The following EXOC6 variants were observed in gnomAD, a reference collection of about 807,000 sequenced individuals.
EXOC6 encodes the protein SEC15-like 1.
A neutral mutation model predicts 112.5 loss-of-function variants in EXOC6; 60 were observed. The ratio of observed to expected loss-of-function variants is 0.53; its 90% CI spans 0.43 to 0.66. The LOEUF is 0.66. Ranked by LOEUF, EXOC6 falls within the 30% of genes least tolerant of loss-of-function variation. The probability of loss-of-function intolerance (pLI) is 0.00; values close to 1 mark genes in which losing one functional copy is unlikely to be tolerated. For missense variants in EXOC6, 855 were observed against 957.1 expected, an observed-to-expected ratio of 0.89 and a Z score of 1.41; for synonymous variants, 295 against 308.0, an observed-to-expected ratio of 0.96 and a Z score of 0.44.
intron 1 of EXOC6, among the ~76,000 whole-genome samples, chr10:92,892,781 G>A: frequency 6.6e-6 from 1 of 152,166 alleles, no homozygotes; most frequent in Admixed American, 6.5e-5. Flanking sequence ...ACTGCAATAT[G>A]GGCTTGTACC....
chr10:92,914,750 T>G (rs1850989270), intron 6 of EXOC6, among the ~76,000 whole-genome samples: 1 of 152,152 alleles, frequency 6.6e-6, no homozygotes, highest in Non-Finnish European at 1.5e-5. Flanking sequence ...AAGGGCTGAT[T>G]GGCAGTTACA....
At chr10:92,848,434 C>A (rs1317928545), upstream of EXOC6, 1 of 729,440 alleles carries the variant, frequency 1.4e-6, no homozygotes, top group Non-Finnish European at 1.7e-6. Flanking sequence ...GGCCCGAGCG[C>A]CCCGCCCCCG....
chr10:92,870,677 CT>C (rs1381765612), intron 1 of EXOC6, among the ~76,000 whole-genome samples: 2 of 149,684 alleles, frequency 1.3e-5, no homozygotes, highest in African/African-American at 4.9e-5. Flanking sequence ...GGAAGTTTTT[CT>C]TTTTTTGGCA....
intron 20 of EXOC6, among the ~76,000 whole-genome samples, chr10:93,029,892 C>T (rs1455750919): frequency 6.6e-6 from 1 of 151,550 alleles, no homozygotes; most frequent in Non-Finnish European, 1.5e-5. Flanking sequence ...AAATGGATCT[C>T]ATAGTGTTTT....
chr10:92,852,925 A>G (rs1211306279), intron 1 of EXOC6, among the ~76,000 whole-genome samples: 1 of 152,152 alleles, frequency 6.6e-6, no homozygotes, highest in Non-Finnish European at 1.5e-5. Context: ...CCGGTATAAT[A>G]AGACCATTTA....
intron 18 of EXOC6, among the ~76,000 whole-genome samples, chr10:92,977,807 T>C (rs1842688523): frequency 6.6e-6 from 1 of 152,176 alleles, no homozygotes; most frequent in South Asian, 2.1e-4. Flanking sequence ...GTGTTAGAAA[T>C]GTTTGGGGTA....
chr10:92,881,260 A>G (rs1253145394), intron 1 of EXOC6, among the ~76,000 whole-genome samples: 1 of 152,138 alleles, frequency 6.6e-6, no homozygotes, highest in Non-Finnish European at 1.5e-5. Context: ...GCAGGTAGAT[A>G]TTGCATGGCC....
chr10:92,896,166 TATATATATATATATA>T (rs1405002640), intron 4 of EXOC6, among the ~76,000 whole-genome samples: 5 of 28,286 alleles, frequency 1.8e-4, no homozygotes, highest in Non-Finnish European at 3.1e-4. Flanking sequence ...TATATATATA[TATATATATATATATA>T]TTTTTTTTTT....
At chr10:92,961,661 A>G (rs376290202) in intron 17 of EXOC6, among the ~76,000 whole-genome samples, 1 of 151,596 alleles carries the variant, frequency 6.6e-6, no homozygotes, top group Non-Finnish European at 1.5e-5. Flanking sequence ...AACAAAATGT[A>G]GAGACCTCAA....
chr10:92,936,315 T>A (rs1037840610), intron 12 of EXOC6, among the ~76,000 whole-genome samples: 4 of 152,258 alleles, frequency 2.6e-5, no homozygotes, highest in African/African-American at 9.6e-5. Context: ...AAGCTTTAGA[T>A]CCTTATTTGT....
At chr10:92,913,332 A>G (rs1284370701) in intron 6 of EXOC6, among the ~76,000 whole-genome samples, 1 of 152,188 alleles carries the variant, frequency 6.6e-6, no homozygotes, top group Non-Finnish European at 1.5e-5. Context: ...GAACTGTTAT[A>G]TAGAATCATT....
At chr10:92,868,836 A>G (rs1227425982) in intron 1 of EXOC6, among the ~76,000 whole-genome samples, 5 of 113,388 alleles carry the variant, frequency 4.4e-5, no homozygotes, top group African/African-American at 1.4e-4. Flanking sequence ...TTTTTTTGAG[A>G]CAGGTTCTTG....
At chr10:92,966,211 G>A (rs1242197295) in intron 17 of EXOC6, among the ~76,000 whole-genome samples, 1 of 151,256 alleles carries the variant, frequency 6.6e-6, no homozygotes, top group Non-Finnish European at 1.5e-5. Flanking sequence ...TTTTTGCTTA[G>A]TTCCTTTTAG....
At position 92,884,806 on chromosome 10, in the gene EXOC6, A is replaced by G. The variant is rs188401850; in HGVS notation, c.102-8543A>G. On this transcript the variant is annotated intron_variant, in intron 1 of 21. Coordinates refer to ENST00000260762, the MANE Select transcript of EXOC6 (RefSeq NM_019053.6). ...TATTACATGCTTTTTAACAAAAAAT[A>G]TATAAAAAGTGATGAGTTTTTTTCA... Among the ~76,000 whole-genome samples, 323 of 152,350 alleles carry G rather than the reference A, an allele frequency of 2.1e-3. 2 individuals are homozygous for G. The highest frequency in any genetic ancestry group is 7.5e-3 in the African/African-American group (312 of 41,584).
intron 9 of EXOC6, among the ~76,000 whole-genome samples, chr10:92,931,001 A>G (rs1851996041): frequency 1.3e-5 from 2 of 151,070 alleles, no homozygotes; most frequent in Admixed American, 1.3e-4. Context: ...AGTCCCAGCT[A>G]CTAGGGAGGC....
Position 92,893,376 on chromosome 10 carries a change from G to T in EXOC6, c.129G>T (p.Ala43=), listed in dbSNP as rs754834070. 1.2e-6 allele frequency: 2 copies of T among 1,610,868 alleles called. No individual in the cohort carries two copies. The highest frequency in any genetic ancestry group is 3.4e-5 in the Admixed American group (2 of 59,624). ...CTGTGTATGATGACCAACCAAATGC[G>T]CACAAGAAGTTTATGGAAAAGTTAG... ...LRSVYDDQPN[A]HKKFMEKLDA... Residue 43 remains alanine (A), a synonymous_variant, in exon 2 of 22, where the codon GCG becomes GCT. Coordinates refer to ENST00000260762, the MANE Select transcript of EXOC6 (RefSeq NM_019053.6).
intron 1 of EXOC6, among the ~76,000 whole-genome samples, chr10:92,871,735 G>C (rs942315798): frequency 1.3e-5 from 2 of 151,974 alleles, no homozygotes; most frequent in African/African-American, 4.8e-5. Flanking sequence ...TTGAACCAGG[G>C]AGTCAGAGGT....
chr10:92,905,737 G>A (rs1298309443), intron 5 of EXOC6, among the ~76,000 whole-genome samples: 2 of 151,976 alleles, frequency 1.3e-5, no homozygotes, highest in African/African-American at 4.8e-5. Context: ...CTTTAAATTC[G>A]TTAAGGCATG....
At chr10:92,846,155 T>C (rs1847046772), upstream of EXOC6, among the ~76,000 whole-genome samples, 1 of 152,318 alleles carries the variant, frequency 6.6e-6, no homozygotes, top group East Asian at 1.9e-4. Context: ...TGAAGTAATC[T>C]CTATGGGCAG....
Sources: allele counts gnomAD v4.1 joint callset (sites outside exome capture counted in the v4.1 genomes callset), GRCh38; gene constraint gnomAD v4.1.1; transcripts MANE v1.5; gene names NCBI Gene and HGNC (gene_info 2026-07-23, HGNC 2026-07-21).